HELZ: variants seen among roughly 807,000 people sequenced by gnomAD.
The protein encoded by HELZ is ATP-dependent RNA helicase with zinc finger domain.
Under a neutral mutation model 218.2 loss-of-function variants are expected in HELZ, and 23 were observed. The observed-to-expected ratio is 0.11, with a 90% confidence interval of 0.08 to 0.15. The LOEUF (loss-of-function observed/expected upper bound fraction) is 0.15, where lower values mean the gene tolerates loss of function less well. Ranked by LOEUF, HELZ falls within the 10% of genes least tolerant of loss-of-function variation. The pLI, the probability that HELZ is intolerant of heterozygous loss-of-function variation, is 1.00. For synonymous variants in HELZ, 814 were observed against 829.4 expected (o/e 0.98, Z 0.32); for missense variants, 1,813 against 2,353.7 (o/e 0.77, Z 4.75).
At chr17:67,123,802 G>A (rs1205174864) in intron 25 of HELZ, among the ~76,000 whole-genome samples, 161 bp downstream of exon 25, 7 of 136,948 alleles carry the variant, frequency 5.1e-5, no homozygotes, top group South Asian at 2.5e-4. Flanking sequence ...AAAATTGAGA[G>A]GTTCCAAAGT....
At position 67,122,780 on chromosome 17, in the gene HELZ, C is replaced by T. The variant is rs562398479; in HGVS notation, c.3630+190G>A. On this transcript the variant is annotated intron_variant, in intron 26 of 32. Coordinates refer to ENST00000358691, the MANE Select transcript of HELZ (RefSeq NM_014877.4). ...ATAATTTCTTCACAGTCACTAGTAA[C>T]CTAATAACAAATTGTAAGCAACAAT... 3.9e-5 allele frequency among the ~76,000 whole-genome samples: 6 copies of T among 152,016 alleles called. No individual in the cohort carries two copies. The South Asian group carries it at 1.2e-3, about 32-fold the overall frequency.
At position 67,109,430 on chromosome 17, in the gene HELZ, T is replaced by C. The variant is rs995207238; in HGVS notation, c.4175A>G (p.Asn1392Ser). The C allele has an allele frequency of 3.7e-6, 6 of 1,614,074 alleles. No homozygotes were observed. In the African/African-American group the frequency reaches 8.0e-5, roughly 22 times the overall value. Reference sequence around the variant, plus strand: ...CTGATTTGGCTGAGGTGGTATCTGATTTGGTTGTTCAGGCAAATTATTCTG... The same window carrying C: ...CTGATTTGGCTGAGGTGGTATCTGACTTGGTTGTTCAGGCAAATTATTCTG... ...QQQNNLPEQPNQIPPQPNQVV... is the reference protein window; with the variant it reads ...QQQNNLPEQPSQIPPQPNQVV... The change falls in exon 29 of 33, where the codon AAT (asparagine) becomes AGT (serine). Residue 1392 changes from asparagine to serine, a missense_variant. By Grantham distance (46) the Asn-to-Ser change is conservative. Coordinates refer to ENST00000358691, the MANE Select transcript of HELZ (RefSeq NM_014877.4).
At chr17:67,113,592 C>T (rs977384096) in intron 28 of HELZ, among the ~76,000 whole-genome samples, 1 of 152,074 alleles carries the variant, frequency 6.6e-6, no homozygotes, top group Non-Finnish European at 1.5e-5. Context: ...TCCTCTGAGA[C>T]TGGTGATCAG....
In HELZ at chr17:67,138,150, ATCACC is replaced by A. The variant is rs763016493; in HGVS notation, c.2770-41_2770-37del. 117 of 1,499,862 alleles carry A rather than the reference ATCACC, an allele frequency of 7.8e-5. No individual in the cohort carries two copies. In the East Asian group the frequency reaches 2.5e-3, roughly 33 times the overall value. 92.9% of individuals were successfully genotyped at this position (1,499,862 alleles called of 1,614,324 possible). A position where few individuals can be genotyped will look rare whatever the true frequency, so the allele number is the denominator to read the frequency against. On this transcript the variant is annotated intron_variant, in intron 21 of 32. Transcript: ENST00000358691. ...AAACACACACATACATATTAAAGTT[ATCACC>A]AATGTTTGGAGAAAATAATATCGTA... is the stretch of plus-strand genomic sequence containing the variant.
At chr17:67,200,922 A>C in intron 7 of HELZ, 1 of 544,136 alleles carries the variant, frequency 1.8e-6, no homozygotes, top group Non-Finnish European at 3.3e-6. Context: ...GCCCTGGCAC[A>C]CAGAGGAGAC....
chr17:67,118,692 C>CAAAAAAAAAAAA (rs142101119), intron 27 of HELZ, among the ~76,000 whole-genome samples: 4 of 44,916 alleles, frequency 8.9e-5, no homozygotes, highest in East Asian at 7.6e-4. Context: ...CTTTAAAAGG[C>CAAAAAAAAAAAA]AAAAAAAAAA....
chr17:67,235,087 C>T (rs1020792180), intron 3 of HELZ, among the ~76,000 whole-genome samples: 8 of 152,078 alleles, frequency 5.3e-5, no homozygotes, highest in Non-Finnish European at 1.0e-4. Context: ...ACAATGTTTC[C>T]TTCATGTTTG....
chr17:67,194,064 G>A (rs1389585034), intron 8 of HELZ, 22 bp from the exon 9 acceptor site: 1 of 1,554,618 alleles, frequency 6.4e-7, no homozygotes, highest in Non-Finnish European at 8.9e-7. Context: ...TTAGGATATA[G>A]TCTTATCATT....
At chr17:67,156,268 A>T (rs1598337284) in intron 17 of HELZ, among the ~76,000 whole-genome samples, 1 of 152,234 alleles carries the variant, frequency 6.6e-6, no homozygotes, top group East Asian at 1.9e-4. Context: ...GAGAAAAAAA[A>T]TTACCAATAT....
intron 5 of HELZ, among the ~76,000 whole-genome samples, chr17:67,215,166 A>C (rs1459177920): frequency 6.6e-6 from 1 of 151,946 alleles, no homozygotes; most frequent in Non-Finnish European, 1.5e-5. Context: ...AAAAAAACAC[A>C]GGAAAAATTA....
At chr17:67,134,267 C>T (rs2038076356) in intron 23 of HELZ, among the ~76,000 whole-genome samples, 1 of 152,050 alleles carries the variant, frequency 6.6e-6, no homozygotes, top group Admixed American at 6.6e-5. Flanking sequence ...TGCCTGTAAT[C>T]CCAGCTACTC....
chr17:67,157,488 G>C (rs1418474551), intron 17 of HELZ, among the ~76,000 whole-genome samples: 1 of 152,090 alleles, frequency 6.6e-6, no homozygotes, highest in East Asian at 1.9e-4. Context: ...CTTTCATTTT[G>C]TGCAACATTT....
At chr17:67,199,885 TCA>T (rs1467102829) in intron 7 of HELZ, among the ~76,000 whole-genome samples, 1 of 152,150 alleles carries the variant, frequency 6.6e-6, no homozygotes, top group African/African-American at 2.4e-5. Flanking sequence ...AAGCACCTTC[TCA>T]ACTCTCAGCT....
chr17:67,104,708 T>A (rs2037043975), intron 31 of HELZ, among the ~76,000 whole-genome samples: 1 of 151,544 alleles, frequency 6.6e-6, no homozygotes, highest in African/African-American at 2.4e-5. Context: ...AACAAAAAAA[T>A]AACCATTTTT....
intron 30 of HELZ, 119 bp from the exon 31 acceptor site, chr17:67,107,804 GGC>G: frequency 2.4e-6 from 2 of 838,750 alleles, no homozygotes; most frequent in Non-Finnish European, 1.8e-6. Context: ...AACTAGAACT[GGC>G]ATTAATTCAT....
At chr17:67,189,947 C>G (rs2039851208) in intron 10 of HELZ, among the ~76,000 whole-genome samples, 2 of 152,140 alleles carry the variant, frequency 1.3e-5, no homozygotes, top group African/African-American at 4.8e-5. Flanking sequence ...GTAATTAATA[C>G]AGTACAGGCA....
rs78852445 is a variant in HELZ, at chr17:67,174,199, TAA to T, written c.1430+4458_1430+4459del. Among the ~76,000 whole-genome samples, 473 of 135,406 alleles carry T rather than the reference TAA, an allele frequency of 3.5e-3. 1 individual carries two copies. Among genetic ancestry groups the T allele is most frequent in the African/African-American group, 0.011 (426 of 37,602 alleles). The allele number at this position is 135,406 out of a possible 152,430, so 88.8% of individuals were successfully genotyped here. On this transcript the variant is annotated intron_variant, in intron 13 of 32. Coordinates refer to ENST00000358691, the MANE Select transcript of HELZ (RefSeq NM_014877.4). ...GACTGCTTTGAAAAAAATCATCCTT[TAA>T]AAAAAAAAAAAAAAAGATAGATTAT...
chr17:67,229,503 C>T (rs1394948703), intron 3 of HELZ, among the ~76,000 whole-genome samples: 1 of 152,140 alleles, frequency 6.6e-6, no homozygotes, highest in Non-Finnish European at 1.5e-5. Context: ...GTGTAAAATG[C>T]CTTATCTGCC....
intron 27 of HELZ, chr17:67,119,840 A>AT (rs913777049): frequency 1.2e-5 from 4 of 345,314 alleles, no homozygotes; most frequent in African/African-American, 2.2e-5. Flanking sequence ...CAAATTTAAT[A>AT]TTTTTTTCAG....
Sources: allele counts gnomAD v4.1 joint callset (sites outside exome capture counted in the v4.1 genomes callset), GRCh38; gene constraint gnomAD v4.1.1; transcripts MANE v1.5; gene names NCBI Gene and HGNC (gene_info 2026-07-23, HGNC 2026-07-21).